The following LRRC8E variants were observed in gnomAD, a reference collection of about 807,000 sequenced individuals.
LRRC8E encodes leucine rich repeat containing 8 VRAC subunit E.
LRRC8E carries 6 observed loss-of-function variants against 6.1 expected under a neutral mutation model. The ratio of observed to expected loss-of-function variants is 0.98; its 90% CI spans 0.54 to 1.93. The LOEUF (loss-of-function observed/expected upper bound fraction) is 1.93. Ranked by LOEUF, LRRC8E falls within the 30% of genes most tolerant of loss-of-function variation. The probability of loss-of-function intolerance (pLI) is 0.01; values close to 1 mark genes in which losing one functional copy is unlikely to be tolerated. For synonymous variants in LRRC8E, 485 were observed against 472.8 expected, an observed-to-expected ratio of 1.03 and a Z score of -0.33; for missense variants, 1,028 against 1,031.4, an observed-to-expected ratio of 1.00 and a Z score of 0.04.
intron 2 of LRRC8E, among the ~76,000 whole-genome samples, chr19:7,896,887 G>A (rs1230236373): frequency 6.6e-6 from 1 of 152,090 alleles, no homozygotes; most frequent in African/African-American, 2.4e-5. Flanking sequence ...GAGCCACTGT[G>A]TCCAGCCCCA....
Position 7,890,203 on chromosome 19 carries a change from C to A in LRRC8E, c.-6+1603C>A, listed in dbSNP as rs558944058. Among the ~76,000 whole-genome samples, 9 of 152,254 alleles carry A rather than the reference C, an allele frequency of 5.9e-5. No homozygotes were observed. The East Asian group carries it at 1.5e-3, about 26-fold the overall frequency. ...TCTCCCACCCTTCCCCCAGCAGGAA[C>A]TCATCACCACATTTTTTGGAGGCAA... On this transcript the variant is annotated intron_variant, in intron 1 of 2. Transcript: ENST00000306708.
chr19:7,891,150 A>G (rs540060341), intron 1 of LRRC8E, among the ~76,000 whole-genome samples: 1 of 152,272 alleles, frequency 6.6e-6, no homozygotes, highest in East Asian at 1.9e-4. Flanking sequence ...TGAGTCTGGA[A>G]AGCAAAGTCT....
chr19:7,893,861 T>C (rs1004204779), intron 1 of LRRC8E: 2 of 152,158 alleles, frequency 1.3e-5, no homozygotes, highest in Non-Finnish European at 2.9e-5. Flanking sequence ...ACTTGCATGG[T>C]GAGTCCCCGT....
chr19:7,900,577 C>T lies in LRRC8E; in HGVS notation c.2055C>T (p.His685=). ...CSGLRLLDVS[H]NGLHSLPPEV... ...GCCTCCGTCTGCTGGATGTGTCCCA[C>T]AATGGGCTACACTCCCTGCCACCCG... The change falls in exon 3 of 3, where the codon CAC becomes CAT. Residue 685 remains histidine, a synonymous_variant. Transcript: ENST00000306708. The surrounding 1 kb of genome is among the most constrained non-coding windows in gnomAD (Gnocchi z 5.0). 6.2e-6 allele frequency: 10 copies of T among 1,613,266 alleles called. No individual in the cohort carries two copies. The highest frequency in any genetic ancestry group is 1.3e-5 in the African/African-American group (1 of 75,072).
rs758832635 is a variant in LRRC8E at position 7,899,787 on chromosome 19, C to T, written c.1265C>T (p.Ala422Val). 2 of 1,609,296 alleles carry T rather than the reference C, an allele frequency of 1.2e-6. No homozygotes were observed. Among genetic ancestry groups the T allele is most frequent in the Non-Finnish European group, 8.5e-7 (1 of 1,179,988 alleles). Residue 422 changes from alanine (A) to valine (V), a missense_variant, in exon 3 of 3, where the codon GCC (alanine) becomes GTC (valine). Coordinates refer to ENST00000306708, the MANE Select transcript of LRRC8E (RefSeq NM_025061.6). ...QRNAAGRLEL[A>V]LCMLPGLPDT... ...AATGCCGCGGGCCGGCTGGAGCTGG[C>T]CCTCTGCATGCTGCCGGGTCTGCCC...
At position 7,897,548 on chromosome 19, in the gene LRRC8E, G is replaced by T. The variant is rs562545944; in HGVS notation, c.139-1113G>T. On this transcript the variant is annotated intron_variant, in intron 2 of 2. Coordinates refer to ENST00000306708, the MANE Select transcript of LRRC8E (RefSeq NM_025061.6). ...GCTGGAGTGCAGTGGCGCAATAATAGCTCACTGTAACCTTGTACTCCTGGC... is the reference window on the plus strand; with the variant it reads ...GCTGGAGTGCAGTGGCGCAATAATATCTCACTGTAACCTTGTACTCCTGGC... Among the ~76,000 whole-genome samples, 4 of 143,938 alleles carry T rather than the reference G, an allele frequency of 2.8e-5. No individual in the cohort carries two copies. In the Admixed American group the frequency reaches 2.9e-4, roughly 11 times the overall value. The allele number at this position is 143,938 out of a possible 152,430, so 94.4% of individuals were successfully genotyped here.
chr19:7,899,804 G>A lies in LRRC8E; in HGVS notation c.1282G>A (p.Gly428Ser), dbSNP rs747816740. ...GGAGCTGGCCCTCTGCATGCTGCCG[G>A]GTCTGCCCGACACCGTCTTTGAGCT... ...RLELALCMLP[G>S]LPDTVFELSE... The change falls in exon 3 of 3, where the codon GGT (glycine) becomes AGT (serine). Residue 428 changes from glycine (G) to serine (S), a missense_variant. Coordinates refer to ENST00000306708, the MANE Select transcript of LRRC8E (RefSeq NM_025061.6). The A allele has an allele frequency of 6.2e-7, 1 of 1,608,064 alleles. No homozygotes were observed. Among genetic ancestry groups the A allele is most frequent in the South Asian group, 1.1e-5 (1 of 91,080 alleles).
chr19:7,899,998 A>C lies in LRRC8E; in HGVS notation c.1476A>C (p.Lys492Asn). Residue 492 changes from lysine to asparagine, a missense_variant, in exon 3 of 3, where the codon AAA becomes AAC. Transcript: ENST00000306708. ...LRDHLKVMRV[K>N]CEELREVPLW... is the part of the protein sequence containing the mutation. ...ACCACCTGAAGGTGATGCGCGTCAAATGCGAGGAGCTCCGCGAGGTGCCGC... is the reference window on the plus strand; with the variant it reads ...ACCACCTGAAGGTGATGCGCGTCAACTGCGAGGAGCTCCGCGAGGTGCCGC... 2 of 1,609,924 alleles carry C rather than the reference A, an allele frequency of 1.2e-6. No individual in the cohort carries two copies. The highest frequency in any genetic ancestry group is 2.7e-5 in the African/African-American group (2 of 75,026).
intron 1 of LRRC8E, among the ~76,000 whole-genome samples, chr19:7,894,099 G>A (rs1023060705): frequency 1.3e-5 from 2 of 152,194 alleles, no homozygotes; most frequent in African/African-American, 2.4e-5. Flanking sequence ...GCTGAGTCGT[G>A]GGTCAGGGGA....
At chr19:7,894,796 G>A (rs902732595) in intron 1 of LRRC8E, among the ~76,000 whole-genome samples, 2 of 152,236 alleles carry the variant, frequency 1.3e-5, no homozygotes, top group Non-Finnish European at 2.9e-5. Flanking sequence ...CCGGCCAGGA[G>A]CCTGACAGCA....
chr19:7,898,415 A>G (rs935167207), intron 2 of LRRC8E, among the ~76,000 whole-genome samples: 2 of 151,852 alleles, frequency 1.3e-5, no homozygotes, highest in African/African-American at 4.8e-5. Context: ...GCTGGAGTAC[A>G]ATGGCGCGAT....
rs200316277 is a variant in LRRC8E, at chr19:7,899,193, A to T, written c.671A>T (p.Asp224Val). 1.9e-6 allele frequency: 3 copies of T among 1,614,180 alleles called. No individual in the cohort carries two copies. In the African/African-American group the frequency reaches 4.0e-5, roughly 22 times the overall value. ...GAGCCTCCAGTTGTCACCCTGTTGG[A>T]CAAGAAGGAGGGTGAGCAAGCCAAA... ...VTEPPVVTLL[D>V]KKEGEQAKAL... Residue 224 changes from aspartate (D) to valine (V), a missense_variant, in exon 3 of 3, where the codon GAC becomes GTC. Physicochemically the swap from Asp to Val is radical, Grantham distance 152. Coordinates refer to ENST00000306708, the MANE Select transcript of LRRC8E (RefSeq NM_025061.6).
chr19:7,889,948 T>C (rs1363197833), intron 1 of LRRC8E, among the ~76,000 whole-genome samples: 1 of 151,916 alleles, frequency 6.6e-6, no homozygotes, highest in Admixed American at 6.6e-5. Context: ...GGTTTCATCA[T>C]GTTGGCCAGG....
At position 7,895,554 on chromosome 19, in the gene LRRC8E, C is replaced by G. The variant is rs1243227878; in HGVS notation, c.-5-45C>G. Reference sequence around the variant, plus strand: ...GAGGACCCCCTGCAGAGCCTCCCATCCTGAGGGTCTCTCTCTACACCCCCC... The same window carrying G: ...GAGGACCCCCTGCAGAGCCTCCCATGCTGAGGGTCTCTCTCTACACCCCCC... On this transcript the variant is annotated intron_variant, in intron 1 of 2. Coordinates refer to ENST00000306708, the MANE Select transcript of LRRC8E (RefSeq NM_025061.6). The surrounding 1 kb of genome is among the most constrained non-coding windows in gnomAD (Gnocchi z 4.7). The G allele has an allele frequency of 6.3e-7, 1 of 1,591,884 alleles. No individual in the cohort carries two copies. The highest frequency in any genetic ancestry group is 2.3e-5 in the East Asian group (1 of 44,324).
Position 7,899,518 on chromosome 19 carries a change from C to T in LRRC8E, c.996C>T (p.Tyr332=). The T allele has an allele frequency of 3.7e-6, 6 of 1,614,060 alleles. No individual in the cohort carries two copies. The highest frequency in any genetic ancestry group is 1.3e-5 in the African/African-American group (1 of 75,072). The part of the protein sequence containing the change: ...IYGLTCIYTL[Y]WLFHRPLKEY... Reference sequence around the variant, plus strand: ...GACTTACCTGCATCTACACGCTCTACTGGCTCTTCCACCGGCCCCTCAAGG... The same window carrying T: ...GACTTACCTGCATCTACACGCTCTATTGGCTCTTCCACCGGCCCCTCAAGG... Residue 332 remains tyrosine, a synonymous_variant, in exon 3 of 3, where the codon TAC becomes TAT. Coordinates refer to ENST00000306708, the MANE Select transcript of LRRC8E (RefSeq NM_025061.6).
In LRRC8E at chr19:7,898,999, T is replaced by C. The variant is rs1981767456; in HGVS notation, c.477T>C (p.Ser159=). The C allele has an allele frequency of 3.1e-6, 5 of 1,613,910 alleles. No individual in the cohort carries two copies. The highest frequency in any genetic ancestry group is 4.2e-6 in the Non-Finnish European group (5 of 1,180,022). ...FISILGKCFD[S]PWTTRALSEV... The stretch of plus-strand genomic sequence containing the variant: ...CCATCCTGGGCAAGTGTTTCGACTC[T>C]CCATGGACCACCAGGGCCCTATCCG... The change falls in exon 3 of 3, where the codon TCT becomes TCC. Residue 159 remains serine, a synonymous_variant. Coordinates refer to ENST00000306708, the MANE Select transcript of LRRC8E (RefSeq NM_025061.6).
At position 7,900,267 on chromosome 19, in the gene LRRC8E, C is replaced by T. The variant is rs200370523; in HGVS notation, c.1745C>T (p.Ala582Val). Residue 582 changes from alanine (A) to valine (V), a missense_variant, in exon 3 of 3, where the codon GCG becomes GTG. Transcript: ENST00000306708. This position sits in a 1 kb window ranked among gnomAD's most constrained non-coding sequence, Gnocchi z 5.0. ...GCCCTGAACAGCCTCAAGAAGCTGGCGGCATTGCGGGAGCTGGAGCTGGTG... is the reference window on the plus strand; with the variant it reads ...GCCCTGAACAGCCTCAAGAAGCTGGTGGCATTGCGGGAGCTGGAGCTGGTG... ...LVALNSLKKL[A>V]ALRELELVAC... is the part of the protein sequence containing the mutation. 1.1e-5 allele frequency: 17 copies of T among 1,613,356 alleles called. No individual in the cohort carries two copies. The highest frequency in any genetic ancestry group is 3.3e-5 in the Admixed American group (2 of 60,026).
At chr19:7,893,893 C>T (rs945869508) in intron 1 of LRRC8E, 1 of 152,234 alleles carries the variant, frequency 6.6e-6, no homozygotes, top group Non-Finnish European at 1.5e-5. Flanking sequence ...GTACCCACAC[C>T]CTTGCCTGCC....
chr19:7,900,085 G>A lies in LRRC8E; in HGVS notation c.1563G>A (p.Glu521=), dbSNP rs761428314. The A allele has an allele frequency of 6.2e-7, 1 of 1,612,286 alleles. No homozygotes were observed. Among genetic ancestry groups the A allele is most frequent in the Non-Finnish European group, 8.5e-7 (1 of 1,179,878 alleles). The part of the protein sequence containing the change: ...ELHLEGLFPQ[E]LARAATLESL... Reference sequence around the variant, plus strand: ...ACCTGGAGGGGCTTTTCCCCCAGGAGCTAGCTCGGGCAGCCACCCTGGAGA... The same window carrying A: ...ACCTGGAGGGGCTTTTCCCCCAGGAACTAGCTCGGGCAGCCACCCTGGAGA... Residue 521 remains glutamate, a synonymous_variant, in exon 3 of 3, where the codon GAG becomes GAA. Transcript: ENST00000306708. The surrounding 1 kb of genome is among the most constrained non-coding windows in gnomAD (Gnocchi z 5.0).
Sources: allele counts gnomAD v4.1 joint callset (sites outside exome capture counted in the v4.1 genomes callset), GRCh38; gene constraint gnomAD v4.1.1; non-coding constraint Gnocchi (gnomAD v3.1); transcripts MANE v1.5; gene names NCBI Gene and HGNC (gene_info 2026-07-23, HGNC 2026-07-21).